Variants in HSD17B3 observed in about 807,000 individuals in gnomAD.
The protein encoded by HSD17B3 is hydroxysteroid 17-beta dehydrogenase 3.
HSD17B3 carries 29 observed loss-of-function variants against 41.1 expected under a neutral mutation model. That is an observed-to-expected ratio of 0.71 (90% CI 0.53 to 0.96). HSD17B3 has a LOEUF of 0.96. HSD17B3 is among the 40% of genes least tolerant of loss of function. HSD17B3 has a pLI of 0.00. For missense variants in HSD17B3, 323 were observed against 374.6 expected (o/e 0.86, Z 1.14); for synonymous variants, 126 against 145.6 (o/e 0.87, Z 0.97).
chr9:96,236,010 A>G (rs1271404611), intron 10 of HSD17B3, among the ~76,000 whole-genome samples: 2 of 149,732 alleles, frequency 1.3e-5, no homozygotes, highest in South Asian at 2.1e-4. Context: ...GAGTCTCACT[A>G]TGTTGCCCAG....
chr9:96,284,925 A>C (rs866474786), intron 2 of HSD17B3, among the ~76,000 whole-genome samples: 1 of 149,270 alleles, frequency 6.7e-6, no homozygotes, highest in Admixed American at 6.7e-5. Flanking sequence ...TGCAACCTCT[A>C]CCTCCTCAGT....
At chr9:96,263,018 G>A (rs1033236580) in intron 2 of HSD17B3, among the ~76,000 whole-genome samples, 2 of 152,148 alleles carry the variant, frequency 1.3e-5, no homozygotes, top group African/African-American at 4.8e-5. Flanking sequence ...TCCCTTTTGT[G>A]ACTAGTAAGC....
intron 10 of HSD17B3, among the ~76,000 whole-genome samples, chr9:96,236,096 C>T (rs1836228887): frequency 1.3e-5 from 2 of 151,564 alleles, no homozygotes; most frequent in African/African-American, 4.8e-5. Context: ...AGGTGTGAGC[C>T]ACCATGCCCG....
chr9:96,295,740 T>C (rs1354671308), intron 2 of HSD17B3, among the ~76,000 whole-genome samples: 2 of 152,214 alleles, frequency 1.3e-5, no homozygotes, highest in Non-Finnish European at 2.9e-5. Context: ...ATAAGATGGC[T>C]TTGTTATGAT....
intron 2 of HSD17B3, among the ~76,000 whole-genome samples, chr9:96,269,716 C>T (rs1408734003): frequency 1.3e-5 from 2 of 151,974 alleles, no homozygotes; most frequent in South Asian, 2.1e-4. Flanking sequence ...CCAACCTGGC[C>T]AACATAGTGA....
At chr9:96,252,026 C>A (rs1825435089) in intron 4 of HSD17B3, among the ~76,000 whole-genome samples, 1 of 152,198 alleles carries the variant, frequency 6.6e-6, no homozygotes, top group African/African-American at 2.4e-5. Flanking sequence ...CTGCACTGTG[C>A]ACGCGGCCGT....
chr9:96,294,987 G>A (rs1178848680), intron 2 of HSD17B3, among the ~76,000 whole-genome samples: 1 of 150,734 alleles, frequency 6.6e-6, no homozygotes, highest in African/African-American at 2.4e-5. Flanking sequence ...AAGGACGGGG[G>A]TCAGACACGA....
chr9:96,243,814 C>T (rs1347872993), intron 9 of HSD17B3, among the ~76,000 whole-genome samples: 2 of 152,218 alleles, frequency 1.3e-5, no homozygotes, highest in Non-Finnish European at 2.9e-5. Flanking sequence ...GCCTCCTCCT[C>T]ACCTGCTCGA....
intron 2 of HSD17B3, among the ~76,000 whole-genome samples, chr9:96,276,107 T>TAAAAAAAAAAAAAAAA: frequency 4.9e-5 from 2 of 41,146 alleles, no homozygotes; most frequent in Admixed American, 4.0e-4. Flanking sequence ...TCCTGTCTCA[T>TAAAAAAAAAAAAAAAA]AAAAAAAAAA....
chr9:96,265,833 T>C (rs1826027314), intron 2 of HSD17B3, among the ~76,000 whole-genome samples: 1 of 152,334 alleles, frequency 6.6e-6, no homozygotes, highest in Admixed American at 6.5e-5. Context: ...GAGTGGGAGA[T>C]TTCATTTTAC....
chr9:96,288,216 C>T (rs770421554), intron 2 of HSD17B3, among the ~76,000 whole-genome samples: 4 of 152,132 alleles, frequency 2.6e-5, no homozygotes, highest in African/African-American at 7.2e-5. Context: ...ATAAACAACT[C>T]GGTTAATTTC....
At chr9:96,251,012 A>G (rs1024308641) in intron 5 of HSD17B3, 1 of 208,002 alleles carries the variant, frequency 4.8e-6, no homozygotes, top group Non-Finnish European at 9.8e-6. Context: ...TGTGTCATAT[A>G]CTTCCCTCAC....
At chr9:96,241,314 A>G (rs1028012476) in intron 9 of HSD17B3, among the ~76,000 whole-genome samples, 1 of 152,248 alleles carries the variant, frequency 6.6e-6, no homozygotes. Flanking sequence ...ACTGAAAACT[A>G]TTCATAGGCA....
At chr9:96,276,529 T>C (rs1329162716) in intron 2 of HSD17B3, among the ~76,000 whole-genome samples, 5 of 152,088 alleles carry the variant, frequency 3.3e-5, no homozygotes, top group African/African-American at 7.2e-5. Flanking sequence ...GTAATCAAAA[T>C]AGAATGCTTT....
intron 3 of HSD17B3, among the ~76,000 whole-genome samples, chr9:96,254,376 G>A (rs74386519): frequency 6.6e-6 from 1 of 152,178 alleles, no homozygotes; most frequent in African/African-American, 2.4e-5. Context: ...CAACCAGGCA[G>A]CCTGCTGGCT....
chr9:96,238,351 G>A lies in HSD17B3; in HGVS notation c.822+2407C>T, dbSNP rs1027852099. Among the ~76,000 whole-genome samples the A allele has an allele frequency of 3.3e-5, 5 of 152,048 alleles. No homozygotes were observed. The South Asian group carries it at 6.2e-4, about 19-fold the overall frequency. ...CTGGAGAGGGCTAAGCTGTGACACC[G>A]AGAAAGTGCACAAGAAATCTGTAGT... On this transcript the variant is annotated intron_variant, in intron 10 of 10. Coordinates refer to ENST00000375263, the MANE Select transcript of HSD17B3 (RefSeq NM_000197.2).
intron 6 of HSD17B3, among the ~76,000 whole-genome samples, chr9:96,248,869 T>G (rs936700712): frequency 6.6e-6 from 1 of 152,084 alleles, no homozygotes; most frequent in African/African-American, 2.4e-5. Context: ...AGAACTTGAA[T>G]GCTGAATGGT....
chr9:96,270,686 T>C (rs1409128214), intron 2 of HSD17B3, among the ~76,000 whole-genome samples: 2 of 152,266 alleles, frequency 1.3e-5, no homozygotes, highest in Non-Finnish European at 2.9e-5. Flanking sequence ...GAACACTGTC[T>C]TCAGAAGAAT....
At chr9:96,252,606 C>G (rs1322830916) in intron 4 of HSD17B3, among the ~76,000 whole-genome samples, 197 bp downstream of exon 4, 4 of 150,956 alleles carry the variant, frequency 2.6e-5, no homozygotes, top group African/African-American at 9.7e-5. Flanking sequence ...TTGATACATT[C>G]CAAACCAATA....
Sources: gnomAD v4.1 joint callset for allele counts (sites outside exome capture counted in the v4.1 genomes callset) on GRCh38, gnomAD v4.1.1 for gene constraint, MANE v1.5 for transcripts, NCBI Gene and HGNC (gene_info 2026-07-23, HGNC 2026-07-21) for gene names.